The following CPLANE1 variants were observed in gnomAD, a reference collection of about 807,000 sequenced individuals.
CPLANE1 encodes ciliogenesis and planar polarity effector complex subunit 1.
In CPLANE1, 263 loss-of-function variants were observed where a neutral mutation model predicts 362.5. The observed-to-expected ratio is 0.73, with a 90% confidence interval of 0.66 to 0.80. The LOEUF is 0.80. Among genes scored for constraint, CPLANE1 ranks in the 30% least tolerant of loss-of-function variants. The probability of loss-of-function intolerance (pLI) is 0.00; values close to 1 mark genes in which losing one functional copy is unlikely to be tolerated. For synonymous variants in CPLANE1, 1,212 were observed against 1,302.6 expected (o/e 0.93, Z 1.50); for missense variants, 3,461 against 3,793.4 (o/e 0.91, Z 2.30).
At chr5:37,232,839 C>CAAAAAAAAAAA (rs765038993) in intron 8 of CPLANE1, among the ~76,000 whole-genome samples, 1 of 62,008 alleles carries the variant, frequency 1.6e-5, no homozygotes, top group Non-Finnish European at 3.3e-5. Flanking sequence ...GACCTTGTTG[C>CAAAAAAAAAAA]AAAAAAAAAA....
intron 8 of CPLANE1, among the ~76,000 whole-genome samples, chr5:37,232,998 G>A (rs944749603): frequency 3.3e-5 from 5 of 152,068 alleles, no homozygotes; most frequent in Non-Finnish European, 7.4e-5. Context: ...TGAACACAGG[G>A]AAACAGTAAG....
the CPLANE1 span, among the ~76,000 whole-genome samples, chr5:37,077,149 T>TG: frequency 6.6e-6 from 1 of 152,110 alleles, no homozygotes; most frequent in African/African-American, 2.4e-5. Flanking sequence ...GTTGGACCCT[T>TG]GCTTGGGGTA....
At chr5:37,229,937 G>C (rs1023743189) in intron 9 of CPLANE1, among the ~76,000 whole-genome samples, 1 of 152,078 alleles carries the variant, frequency 6.6e-6, no homozygotes, top group Non-Finnish European at 1.5e-5. Context: ...AGCACTTTGG[G>C]AGGCCAAGGC....
At chr5:37,077,077 T>C in the CPLANE1 span, among the ~76,000 whole-genome samples, 1 of 152,032 alleles carries the variant, frequency 6.6e-6, no homozygotes, top group East Asian at 1.9e-4. Context: ...TAAAACCTTA[T>C]TTGTAAGAAG....
chr5:37,211,632 G>A, intron 16 of CPLANE1: 1 of 829,842 alleles, frequency 1.2e-6, no homozygotes, highest in South Asian at 1.3e-5. Flanking sequence ...GGAAGGTCTG[G>A]GCAGATCACA....
intron 45 of CPLANE1, 99 bp downstream of exon 45, chr5:37,139,241 G>GAT: frequency 2.5e-6 from 3 of 1,190,364 alleles, no homozygotes; most frequent in East Asian, 2.8e-5. Flanking sequence ...AAACCACAAA[G>GAT]ATATATATAA....
At chr5:37,215,664 T>C (rs1254275122) in intron 15 of CPLANE1, among the ~76,000 whole-genome samples, 3 of 150,734 alleles carry the variant, frequency 2.0e-5, no homozygotes, top group Non-Finnish European at 4.4e-5. Flanking sequence ...GAGGTATCTA[T>C]ACAAAATGAC....
intron 39 of CPLANE1, 107 bp downstream of exon 39, chr5:37,158,117 G>T: frequency 8.0e-7 from 1 of 1,252,782 alleles, no homozygotes; most frequent in Non-Finnish European, 1.1e-6. Flanking sequence ...AAGCTACATA[G>T]ATGAGATTTT....
In CPLANE1 at chr5:37,211,424, G is replaced by A. The variant is rs147676856; in HGVS notation, c.2920+2135C>T. 1.8e-3 allele frequency: 2,679 copies of A among 1,509,506 alleles called. 52 individuals are homozygous for A. The African/African-American group carries it at 0.033, about 19-fold the overall frequency. The allele number at this position is 1,509,506 out of a possible 1,614,324, so 93.5% of individuals were successfully genotyped here. A position where few individuals can be genotyped will look rare whatever the true frequency, so the allele number is the denominator to read the frequency against. On this transcript the variant is annotated intron_variant, in intron 16 of 52. Coordinates refer to ENST00000651892, the MANE Select transcript of CPLANE1 (RefSeq NM_001384732.1). ...TCAAAAACATTACTTCCAGTTCCCC[G>A]GAAAGACGTATTTTTGCAGAGGACA... is the stretch of plus-strand genomic sequence containing the variant.
At chr5:37,114,724 A>C (rs2149979571) in intron 51 of CPLANE1, among the ~76,000 whole-genome samples, 1 of 152,110 alleles carries the variant, frequency 6.6e-6, no homozygotes, top group South Asian at 2.1e-4. Context: ...ACATGGCAAA[A>C]CCCCATCTCT....
Position 37,134,338 on chromosome 5 carries a change from G to A in CPLANE1, c.8792+4382C>T, listed in dbSNP as rs73095726. ...AGGACTTCATATTGGTCTGTTCAGG[G>A]TTTCAAATTTCTTCCTGATTCAATG... On this transcript the variant is annotated intron_variant, in intron 46 of 52. Coordinates refer to ENST00000651892, the MANE Select transcript of CPLANE1 (RefSeq NM_001384732.1). Among the ~76,000 whole-genome samples the A allele has an allele frequency of 7.3e-3, 1,109 of 152,194 alleles. 17 individuals carry two copies. Among genetic ancestry groups the A allele is most frequent in the African/African-American group, 0.025 (1,043 of 41,524 alleles).
chr5:37,179,984 A>T, intron 28 of CPLANE1, 33 bp downstream of exon 28: 1 of 1,470,356 alleles, frequency 6.8e-7, no homozygotes, highest in Non-Finnish European at 9.1e-7. Flanking sequence ...AAATTAATAA[A>T]GCCAAAAAAA....
At chr5:37,163,008 T>C (rs1580316896) in intron 37 of CPLANE1, among the ~76,000 whole-genome samples, 1 of 152,230 alleles carries the variant, frequency 6.6e-6, no homozygotes, top group Admixed American at 6.5e-5. Context: ...TGAAGTGTTA[T>C]GTAAGTTGAA....
At position 37,206,334 on chromosome 5, in the gene CPLANE1, A is replaced by C. The variant is rs546670307; in HGVS notation, c.3012T>G (p.Tyr1004Ter). ...CACCAATAAATAGTAATTCAAGTGC[A>C]TATTCAACTGTCCACACATTAGAGA... ...QNLSNVWTVE[Y>*]ALELLFIGGL... Residue 1004 changes from tyrosine (Y) to a stop codon, truncating the protein, a stop_gained, in exon 17 of 53, where the codon TAT becomes TAG. Coordinates refer to ENST00000651892, the MANE Select transcript of CPLANE1 (RefSeq NM_001384732.1). LOFTEE classifies it high-confidence loss of function. 1 of 1,551,612 alleles carries C rather than the reference A, an allele frequency of 6.4e-7. No individual in the cohort carries two copies. The highest frequency in any genetic ancestry group is 2.0e-5 in the Admixed American group (1 of 51,006).
chr5:37,194,356 A>C (rs1580617830), intron 21 of CPLANE1, among the ~76,000 whole-genome samples: 1 of 152,260 alleles, frequency 6.6e-6, no homozygotes, highest in African/African-American at 2.4e-5. Context: ...TCTTTATTTA[A>C]GTCATTTCAA....
At chr5:37,087,229 G>T in the CPLANE1 span, among the ~76,000 whole-genome samples, 2 of 152,118 alleles carry the variant, frequency 1.3e-5, no homozygotes, top group Non-Finnish European at 2.9e-5. Flanking sequence ...ATGCACAAGG[G>T]CAACAGGTCC....
chr5:37,243,521 C>T (rs551215698), intron 5 of CPLANE1, among the ~76,000 whole-genome samples: 3 of 151,566 alleles, frequency 2.0e-5, no homozygotes, highest in South Asian at 2.1e-4. Flanking sequence ...TCCACACATA[C>T]GAAGAATACC....
the CPLANE1 span, among the ~76,000 whole-genome samples, chr5:37,078,818 A>T: frequency 1.3e-5 from 2 of 150,934 alleles, no homozygotes; most frequent in Non-Finnish European, 2.9e-5. Context: ...AGTGATGTTG[A>T]GCTTCTTTTC....
intron 43 of CPLANE1, 38 bp downstream of exon 43, chr5:37,148,143 A>C: frequency 6.7e-7 from 1 of 1,495,232 alleles, no homozygotes; most frequent in South Asian, 1.2e-5. Flanking sequence ...GATCAACTAA[A>C]GCAAGACTTC....
Sources: gnomAD v4.1 joint callset for allele counts (sites outside exome capture counted in the v4.1 genomes callset) on GRCh38, gnomAD v4.1.1 for gene constraint, MANE v1.5 for transcripts, NCBI Gene and HGNC (gene_info 2026-07-23, HGNC 2026-07-21) for gene names.